NRXN1: variants seen among roughly 807,000 people sequenced by gnomAD.
NRXN1 encodes neurexin-1.
In NRXN1, 39 loss-of-function variants were observed where a neutral mutation model predicts 150.9. The observed-to-expected ratio is 0.26, with a 90% CI of 0.20 to 0.34. NRXN1 has a LOEUF of 0.34. NRXN1 is among the 10% of genes least tolerant of loss of function. The pLI is 1.00. For missense variants in NRXN1, 1,815 were observed against 1,949.9 expected, an observed-to-expected ratio of 0.93 and a Z score of 1.30; for synonymous variants, 924 against 757.0, an observed-to-expected ratio of 1.22 and a Z score of -3.62.
intron 17 of NRXN1, among the ~76,000 whole-genome samples, chr2:50,308,960 G>A (rs1220951013): frequency 1.3e-5 from 2 of 152,150 alleles, no homozygotes; most frequent in East Asian, 3.9e-4. Context: ...AACGAGACAT[G>A]TTTGTAAAGC....
chr2:51,030,307 C>T (rs1199100021), intron 1 of NRXN1, among the ~76,000 whole-genome samples: 1 of 151,716 alleles, frequency 6.6e-6, no homozygotes, highest in Non-Finnish European at 1.5e-5. Context: ...AATTTATTGT[C>T]TGGATGTAGA....
intron 18 of NRXN1, among the ~76,000 whole-genome samples, chr2:50,162,238 T>C (rs2152788082): frequency 6.6e-6 from 1 of 152,228 alleles, no homozygotes; most frequent in Admixed American, 6.5e-5. Context: ...TTATATAGTG[T>C]TAAGGAAAAA....
chr2:50,623,371 A>G lies in NRXN1; in HGVS notation c.1077T>C (p.Asn359=). Residue 359 remains asparagine, a synonymous_variant, in exon 6 of 23, where the codon AAT becomes AAC. Coordinates refer to ENST00000401669, the MANE Select transcript of NRXN1 (RefSeq NM_001330078.2). ...GCCAGGCATTATCATTAAACTTTCC[A>G]TTCACAGGCTCCACTAGTGCTTCAA... ...GAFEALVEPV[N]GKFNDNAWHD... The G allele has an allele frequency of 6.2e-7, 1 of 1,613,358 alleles. No individual in the cohort carries two copies. The highest frequency in any genetic ancestry group is 8.5e-7 in the Non-Finnish European group (1 of 1,179,534).
chr2:50,349,551 G>A (rs539353450), intron 17 of NRXN1, among the ~76,000 whole-genome samples: 14 of 152,274 alleles, frequency 9.2e-5, no homozygotes, highest in Admixed American at 1.3e-4. Context: ...TAGGAAATCC[G>A]TACTGCATTT....
chr2:50,072,837 G>A (rs1488037508), intron 19 of NRXN1, among the ~76,000 whole-genome samples: 1 of 152,144 alleles, frequency 6.6e-6, no homozygotes, highest in African/African-American at 2.4e-5. Flanking sequence ...GTGGATGACG[G>A]CATCAGCTGG....
chr2:50,978,104 T>C (rs1320421477), intron 2 of NRXN1, among the ~76,000 whole-genome samples: 1 of 150,828 alleles, frequency 6.6e-6, no homozygotes, highest in East Asian at 2.0e-4. Flanking sequence ...ATTTTAAATA[T>C]TCTTTAACTG....
intron 5 of NRXN1, among the ~76,000 whole-genome samples, chr2:50,646,058 G>A (rs1231241908): frequency 6.6e-6 from 1 of 151,920 alleles, no homozygotes; most frequent in Non-Finnish European, 1.5e-5. Context: ...AAATCAGGTA[G>A]AAAAGGCAGG....
intron 5 of NRXN1, among the ~76,000 whole-genome samples, chr2:50,839,267 A>T (rs915246204): frequency 1.3e-5 from 2 of 152,152 alleles, no homozygotes; most frequent in Admixed American, 1.3e-4. Flanking sequence ...CTTAGTTGAT[A>T]CTTCATTTTT....
intron 5 of NRXN1, among the ~76,000 whole-genome samples, chr2:50,639,776 T>C (rs1395837103): frequency 6.6e-6 from 1 of 152,144 alleles, no homozygotes; most frequent in Non-Finnish European, 1.5e-5. Context: ...GAAGTAATCA[T>C]CCCAACTACC....
At chr2:50,980,020 T>C (rs2104872419) in intron 2 of NRXN1, among the ~76,000 whole-genome samples, 1 of 152,252 alleles carries the variant, frequency 6.6e-6, no homozygotes, top group East Asian at 1.9e-4. Flanking sequence ...GCCAACAATA[T>C]AAATAAACCA....
chr2:49,995,742 C>T (rs1370721077), intron 21 of NRXN1, among the ~76,000 whole-genome samples: 6 of 125,136 alleles, frequency 4.8e-5, no homozygotes, highest in Non-Finnish European at 6.3e-5. Flanking sequence ...GATCCCATCA[C>T]TGCAATCCAG....
chr2:50,592,309 A>G (rs1674404171), intron 8 of NRXN1, among the ~76,000 whole-genome samples: 2 of 152,250 alleles, frequency 1.3e-5, no homozygotes, highest in Admixed American at 1.3e-4. Context: ...GCCAGGGCAA[A>G]TGACACCAGA....
At position 50,552,677 on chromosome 2, in the gene NRXN1, C is replaced by G. The variant is rs1416784051; in HGVS notation, c.1669G>C (p.Gly557Arg). 1.2e-6 allele frequency: 2 copies of G among 1,613,812 alleles called. No homozygotes were observed. Among genetic ancestry groups the G allele is most frequent in the Non-Finnish European group, 1.7e-6 (2 of 1,179,776 alleles). Residue 557 changes from glycine (G) to arginine (R), a missense_variant, in exon 9 of 23, where the codon GGG (glycine) becomes CGG (arginine). This residue lies in a region of NRXN1 where 638 missense variants were observed against 652.6 expected (regional missense o/e 0.98). Coordinates refer to ENST00000401669, the MANE Select transcript of NRXN1 (RefSeq NM_001330078.2). ...GCTTTTATTTTTATAGTACCTGACC[C>G]CATGTCCAGGAGGAGGTAGAGGTGG... ...DGHLYLLLDMGSGTIKIKALL... is the reference protein window; with the variant it reads ...DGHLYLLLDMRSGTIKIKALL...
intron 8 of NRXN1, chr2:50,616,091 T>C (rs1049411022): frequency 6.6e-6 from 1 of 152,178 alleles, no homozygotes; most frequent in African/African-American, 2.4e-5. Context: ...TTAACTCTTT[T>C]TTTTCAAATT....
intron 5 of NRXN1, among the ~76,000 whole-genome samples, chr2:50,676,531 C>G (rs573292538): frequency 6.6e-6 from 1 of 152,082 alleles, no homozygotes; most frequent in African/African-American, 2.4e-5. Flanking sequence ...ATTTTCTTGT[C>G]TGTACAATGT....
chr2:50,252,232 CCTTTTTTTTTTTT>C (rs1280659342), intron 17 of NRXN1, among the ~76,000 whole-genome samples: 505 of 11,870 alleles, frequency 0.043, 4 homozygotes, highest in African/African-American at 0.12. Flanking sequence ...TACATTTTGT[CCTTTTTTTTTTTT>C]CTTTTTTCTT....
intron 21 of NRXN1, among the ~76,000 whole-genome samples, chr2:50,008,335 G>A (rs1685100574): frequency 6.6e-6 from 1 of 152,094 alleles, no homozygotes. Context: ...TCCTCTTGGA[G>A]GTAGTTAGCT....
intron 17 of NRXN1, among the ~76,000 whole-genome samples, chr2:50,263,243 G>T (rs775698668): frequency 1.3e-5 from 2 of 151,694 alleles, no homozygotes; most frequent in Non-Finnish European, 2.9e-5. Context: ...TGGTGAGCAG[G>T]AGGAACACAT....
At chr2:50,511,303 C>A (rs565581503) in intron 12 of NRXN1, among the ~76,000 whole-genome samples, 2 of 152,276 alleles carry the variant, frequency 1.3e-5, no homozygotes, top group South Asian at 4.1e-4. Flanking sequence ...TCTCTGCCAG[C>A]CTTGGCCTAC....
Sources: gnomAD v4.1 joint callset for allele counts (sites outside exome capture counted in the v4.1 genomes callset) on GRCh38, gnomAD v4.1.1 for gene constraint, gnomAD v4.1.1 regional missense constraint, MANE v1.5 for transcripts, NCBI Gene and HGNC (gene_info 2026-07-23, HGNC 2026-07-21) for gene names.